Variants in PRKCA observed in about 807,000 individuals in gnomAD.
The protein encoded by PRKCA is protein kinase C alpha, also known as protein kinase C alpha type.
In PRKCA, 27 loss-of-function variants were observed where a neutral mutation model predicts 87.0. The ratio of observed to expected loss-of-function variants is 0.31; its 90% CI spans 0.23 to 0.43. The LOEUF (loss-of-function observed/expected upper bound fraction) is 0.43, where lower values mean the gene tolerates loss of function less well. Among genes scored for constraint, PRKCA ranks in the 20% least tolerant of loss-of-function variants. PRKCA has a pLI of 1.00. For missense variants in PRKCA, 518 were observed against 852.3 expected (o/e 0.61, Z 4.88); for synonymous variants, 329 against 311.1 (o/e 1.06, Z -0.61).
At chr17:66,589,988 T>G (rs1307156367) in intron 3 of PRKCA, among the ~76,000 whole-genome samples, 1 of 152,134 alleles carries the variant, frequency 6.6e-6, no homozygotes, top group African/African-American at 2.4e-5. Context: ...CCGCCGGTGA[T>G]CTGACGGTAG....
chr17:66,672,390 G>T (rs1331003648), intron 5 of PRKCA, among the ~76,000 whole-genome samples: 1 of 152,162 alleles, frequency 6.6e-6, no homozygotes, highest in Non-Finnish European at 1.5e-5. Context: ...CAAAATTACA[G>T]TGTTATTCTT....
chr17:66,363,764 A>G (rs1908535237), intron 2 of PRKCA, among the ~76,000 whole-genome samples: 1 of 152,118 alleles, frequency 6.6e-6, no homozygotes, highest in African/African-American at 2.4e-5. Flanking sequence ...GTGCAGTGGC[A>G]CGATCTTGGC....
intron 2 of PRKCA, among the ~76,000 whole-genome samples, chr17:66,384,330 G>A (rs1909930115): frequency 6.6e-6 from 1 of 152,046 alleles, no homozygotes; most frequent in Admixed American, 6.6e-5. Context: ...TTTTTCAGTG[G>A]CAAACCTGTT....
rs144944156 is a variant in PRKCA at position 66,769,882 on chromosome 17, A to G, written c.1525-4105A>G. 6.0e-3 allele frequency among the ~76,000 whole-genome samples: 908 copies of G among 152,372 alleles called. 10 individuals are homozygous for G. Among genetic ancestry groups the G allele is most frequent in the Middle Eastern group, 0.017 (5 of 294 alleles). ...TTTGACTAATTGAAGATTTCCCACT[A>G]AGATAAATGGAAGAGACTTATCATT... On this transcript the variant is annotated intron_variant, in intron 13 of 16. Transcript: ENST00000413366.
intron 3 of PRKCA, among the ~76,000 whole-genome samples, chr17:66,567,369 T>C (rs1041945108): frequency 1.3e-5 from 2 of 152,104 alleles, no homozygotes; most frequent in Non-Finnish European, 2.9e-5. Flanking sequence ...CCTCCTGGCT[T>C]CTGTGTGGCG....
Position 66,792,553 on chromosome 17 carries a change from A to G in PRKCA, c.1854+3574A>G, listed in dbSNP as rs1336538468. Among the ~76,000 whole-genome samples the G allele has an allele frequency of 1.3e-5, 2 of 152,210 alleles. No individual in the cohort carries two copies. Among genetic ancestry groups the G allele is most frequent in the Admixed American group, 1.3e-4 (2 of 15,286 alleles). ...AGTGACTTGACTGAAGTTAACCTTT[A>G]GACCGCAGTGCCATGCAAAATGCGA... On this transcript the variant is annotated intron_variant, in intron 16 of 16. Transcript: ENST00000413366. The surrounding 1 kb of genome is among the most constrained non-coding windows in gnomAD (Gnocchi z 4.5).
At chr17:66,525,085 G>A (rs1003781843) in intron 3 of PRKCA, among the ~76,000 whole-genome samples, 1 of 152,146 alleles carries the variant, frequency 6.6e-6, no homozygotes, top group Non-Finnish European at 1.5e-5. Flanking sequence ...CATCATGGGA[G>A]TTCTGAGCTG....
In PRKCA at chr17:66,507,243, A is replaced by G. The variant is rs1917020358; in HGVS notation, c.288+10960A>G. On this transcript the variant is annotated intron_variant, in intron 3 of 16. Coordinates refer to ENST00000413366, the MANE Select transcript of PRKCA (RefSeq NM_002737.3). ...TTCAGCGGATAACATACATAAATGC[A>G]CTAGGTATGCATTATTGTTCCCATT... Among the ~76,000 whole-genome samples, 6 of 152,254 alleles carry G rather than the reference A, an allele frequency of 3.9e-5. No homozygotes were observed. The South Asian group carries it at 1.2e-3, about 32-fold the overall frequency.
At chr17:66,603,384 C>G (rs1018616071) in intron 3 of PRKCA, among the ~76,000 whole-genome samples, 2 of 152,160 alleles carry the variant, frequency 1.3e-5, no homozygotes, top group African/African-American at 4.8e-5. Context: ...AAAAATAAAT[C>G]TCATTTGTGT....
chr17:66,485,071 G>A (rs368812128), intron 2 of PRKCA, among the ~76,000 whole-genome samples: 1 of 152,118 alleles, frequency 6.6e-6, no homozygotes, highest in East Asian at 1.9e-4. Context: ...TCCCTACCAC[G>A]TTTCCCTCCC....
chr17:66,430,447 C>A (rs1598664946), intron 2 of PRKCA, among the ~76,000 whole-genome samples: 1 of 151,864 alleles, frequency 6.6e-6, no homozygotes, highest in Middle Eastern at 3.4e-3. Flanking sequence ...TCCCTGTAGT[C>A]AAAACCTGTG....
chr17:66,510,933 G>A (rs1263123595), intron 3 of PRKCA, among the ~76,000 whole-genome samples: 1 of 152,172 alleles, frequency 6.6e-6, no homozygotes, highest in East Asian at 1.9e-4. Flanking sequence ...TTTTTGTAGA[G>A]ACGGGATTTT....
At chr17:66,744,098 T>G (rs893347136) in intron 13 of PRKCA, among the ~76,000 whole-genome samples, 2 of 152,104 alleles carry the variant, frequency 1.3e-5, no homozygotes, top group African/African-American at 4.8e-5. Context: ...GTGAAGACCT[T>G]GTAGTTTTAT....
At chr17:66,484,735 A>G (rs1002134239) in intron 2 of PRKCA, among the ~76,000 whole-genome samples, 1 of 152,224 alleles carries the variant, frequency 6.6e-6, no homozygotes, top group African/African-American at 2.4e-5. Context: ...TGCAACTTTA[A>G]TAATTGTCAA....
chr17:66,562,585 G>GTGTT (rs748683689), intron 3 of PRKCA, among the ~76,000 whole-genome samples: 2 of 149,166 alleles, frequency 1.3e-5, no homozygotes, highest in South Asian at 2.1e-4. Context: ...GCTAAGTTTT[G>GTGTT]TTTTTTTTTG....
At chr17:66,586,864 C>G (rs532049349) in intron 3 of PRKCA, among the ~76,000 whole-genome samples, 1 of 152,306 alleles carries the variant, frequency 6.6e-6, no homozygotes, top group East Asian at 1.9e-4. Flanking sequence ...TGTACCTGCA[C>G]TGGGGTTGTG....
chr17:66,554,179 G>A (rs1436781526), intron 3 of PRKCA, among the ~76,000 whole-genome samples: 1 of 151,762 alleles, frequency 6.6e-6, no homozygotes, highest in Non-Finnish European at 1.5e-5. Context: ...ACTTTGGGAG[G>A]CCAAGGTGGG....
intron 5 of PRKCA, among the ~76,000 whole-genome samples, chr17:66,658,874 C>T (rs895281200): frequency 9.9e-5 from 15 of 152,144 alleles, no homozygotes; most frequent in Admixed American, 2.6e-4. Context: ...AAATCTAACC[C>T]CAGACCTCAT....
At chr17:66,457,539 C>A (rs1397802642) in intron 2 of PRKCA, among the ~76,000 whole-genome samples, 1 of 152,112 alleles carries the variant, frequency 6.6e-6, no homozygotes, top group African/African-American at 2.4e-5. Context: ...TGTGTCCCCA[C>A]CCAAATCTCA....
Sources: gnomAD v4.1 joint callset for allele counts (sites outside exome capture counted in the v4.1 genomes callset) on GRCh38, gnomAD v4.1.1 for gene constraint, Gnocchi (gnomAD v3.1) non-coding constraint, MANE v1.5 for transcripts, NCBI Gene and HGNC (gene_info 2026-07-23, HGNC 2026-07-21) for gene names.